The following ZNF676 variants were observed in gnomAD, a reference collection of about 807,000 sequenced individuals.
ZNF676 encodes zinc finger protein 676.
Under a neutral mutation model 6.0 loss-of-function variants are expected in ZNF676, and 4 were observed. That is an observed-to-expected ratio of 0.67 (90% CI 0.33 to 1.53). The LOEUF is 1.53. Among genes scored for constraint, ZNF676 ranks in the 40% most tolerant of loss-of-function variants. The probability of loss-of-function intolerance (pLI) is 0.06; values close to 1 mark genes in which losing one functional copy is unlikely to be tolerated. For missense variants in ZNF676, 644 were observed against 679.7 expected, an observed-to-expected ratio of 0.95 and a Z score of 0.58; for synonymous variants, 198 against 223.1, an observed-to-expected ratio of 0.89 and a Z score of 1.00.
the ZNF676 span, among the ~76,000 whole-genome samples, chr19:22,220,935 C>T: frequency 1.3e-5 from 2 of 152,120 alleles, no homozygotes; most frequent in Non-Finnish European, 2.9e-5. Flanking sequence ...TCTTTTATTT[C>T]TAATTGAGCA....
chr19:22,219,177 C>T (rs922575261), upstream of ZNF676, among the ~76,000 whole-genome samples: 1 of 151,816 alleles, frequency 6.6e-6, no homozygotes, highest in Non-Finnish European at 1.5e-5. Context: ...TGGCTCACTG[C>T]ACCCTCTGCA....
At chr19:22,214,242 G>A (rs1418345505) in intron 1 of ZNF676, among the ~76,000 whole-genome samples, 1 of 152,212 alleles carries the variant, frequency 6.6e-6, no homozygotes. Flanking sequence ...GGAAACAGCA[G>A]TTCCCTGTGG....
At chr19:22,184,826 G>GAAAAAAAAAAAAA (rs144833243) in intron 2 of ZNF676, among the ~76,000 whole-genome samples, 30 of 52,686 alleles carry the variant, frequency 5.7e-4, no homozygotes, top group African/African-American at 2.2e-3. Flanking sequence ...GGGCATCTTT[G>GAAAAAAAAAAAAA]AAAAAAAAAA....
intron 1 of ZNF676, among the ~76,000 whole-genome samples, chr19:22,209,056 G>A (rs1475571917): frequency 6.6e-6 from 1 of 152,160 alleles, no homozygotes; most frequent in African/African-American, 2.4e-5. Context: ...CCTGAAGTCA[G>A]GAGTTCAAGA....
chr19:22,215,191 G>GA (rs892867629), intron 1 of ZNF676, among the ~76,000 whole-genome samples: 1 of 151,994 alleles, frequency 6.6e-6, no homozygotes, highest in Admixed American at 6.6e-5. Flanking sequence ...CCATAGTTGG[G>GA]TGCTCTACAA....
chr19:22,231,871 A>G, the ZNF676 span, among the ~76,000 whole-genome samples: 2 of 152,074 alleles, frequency 1.3e-5, no homozygotes, highest in South Asian at 2.1e-4. Flanking sequence ...AAGTGCTGGG[A>G]TTACAAGCGT....
chr19:22,256,870 G>A, the ZNF676 span, among the ~76,000 whole-genome samples: 1 of 152,026 alleles, frequency 6.6e-6, no homozygotes, highest in African/African-American at 2.4e-5. Context: ...CATCAACTAG[G>A]TGGTGGACCC....
chr19:22,236,949 T>C, the ZNF676 span, among the ~76,000 whole-genome samples: 1 of 152,194 alleles, frequency 6.6e-6, no homozygotes, highest in African/African-American at 2.4e-5. Context: ...ATCCAATTAT[T>C]CCCACTGTAT....
At chr19:22,194,651 G>C (rs922823743) in intron 1 of ZNF676, among the ~76,000 whole-genome samples, 2 of 152,086 alleles carry the variant, frequency 1.3e-5, no homozygotes, top group African/African-American at 4.8e-5. Context: ...GTAACAAAGG[G>C]AATCACTGGG....
intron 1 of ZNF676, among the ~76,000 whole-genome samples, chr19:22,195,240 G>A (rs2023954642): frequency 6.6e-6 from 1 of 152,162 alleles, no homozygotes. Context: ...AGACTCACCT[G>A]TGTAGTACAA....
chr19:22,234,933 A>G, the ZNF676 span, among the ~76,000 whole-genome samples: 32 of 151,058 alleles, frequency 2.1e-4, no homozygotes, highest in African/African-American at 7.8e-4. Context: ...GACTCCATCC[A>G]AAAAGAAGGA....
At chr19:22,234,719 A>G in the ZNF676 span, among the ~76,000 whole-genome samples, 1 of 152,110 alleles carries the variant, frequency 6.6e-6, no homozygotes, top group Non-Finnish European at 1.5e-5. Context: ...AGATCACCTG[A>G]GGTCAGGAGT....
the ZNF676 span, among the ~76,000 whole-genome samples, chr19:22,259,994 C>T: frequency 1.3e-5 from 2 of 152,148 alleles, no homozygotes; most frequent in African/African-American, 4.8e-5. Flanking sequence ...TGCCGCAATC[C>T]AATTTGTCAG....
the ZNF676 span, among the ~76,000 whole-genome samples, chr19:22,235,028 GAAAGA>G: frequency 3.2e-5 from 2 of 62,324 alleles, no homozygotes; most frequent in Non-Finnish European, 6.3e-5. Flanking sequence ...AAGAAAGAAA[GAAAGA>G]AAAGAAAAGA....
chr19:22,234,663 G>C, the ZNF676 span, among the ~76,000 whole-genome samples: 6 of 152,172 alleles, frequency 3.9e-5, no homozygotes, highest in African/African-American at 1.4e-4. Flanking sequence ...GCCAGGTGCA[G>C]TGGCTCATGC....
At chr19:22,231,212 A>AT in the ZNF676 span, among the ~76,000 whole-genome samples, 4 of 152,018 alleles carry the variant, frequency 2.6e-5, no homozygotes, top group African/African-American at 9.7e-5. Context: ...TATCACAAAA[A>AT]AAAATCTGTA....
At chr19:22,182,593 A>AAAAAAAACAAAAAAC (rs1555773390) in intron 2 of ZNF676, among the ~76,000 whole-genome samples, 4 of 90,948 alleles carry the variant, frequency 4.4e-5, no homozygotes, top group East Asian at 3.5e-4. Flanking sequence ...TCTAAAAAAA[A>AAAAAAAACAAAAAAC]AAAAAAAAAG....
At chr19:22,210,525 A>G (rs1245124964) in intron 1 of ZNF676, among the ~76,000 whole-genome samples, 1 of 152,206 alleles carries the variant, frequency 6.6e-6, no homozygotes, top group Non-Finnish European at 1.5e-5. Context: ...CAAATGGAAG[A>G]AAAGTATAGA....
At chr19:22,200,623 A>T (rs946349094), upstream of ZNF676, among the ~76,000 whole-genome samples, 18 of 149,644 alleles carry the variant, frequency 1.2e-4, no homozygotes, top group Admixed American at 5.4e-4. Flanking sequence ...GGTTAAAGAG[A>T]TTCTCCTGCC....
Sources: gnomAD v4.1 joint callset for allele counts (sites outside exome capture counted in the v4.1 genomes callset) on GRCh38, gnomAD v4.1.1 for gene constraint, MANE v1.5 for transcripts, NCBI Gene and HGNC (gene_info 2026-07-23, HGNC 2026-07-21) for gene names.